The following KCNQ5 variants were observed in gnomAD, a reference collection of about 807,000 sequenced individuals.
KCNQ5 encodes the protein potassium voltage-gated channel subfamily Q member 5.
A neutral mutation model predicts 98.2 loss-of-function variants in KCNQ5; 30 were observed. That is an observed-to-expected ratio of 0.31 (90% CI 0.23 to 0.41). KCNQ5 has a LOEUF of 0.41. KCNQ5 is among the 10% of genes least tolerant of loss of function. The pLI, the probability that KCNQ5 is intolerant of heterozygous loss-of-function variation, is 1.00. For synonymous variants in KCNQ5, 458 were observed against 449.4 expected (o/e 1.02, Z -0.24); for missense variants, 835 against 1,182.5 (o/e 0.71, Z 4.31).
In KCNQ5 at chr6:73,011,275, T is replaced by A. The variant is rs147205442; in HGVS notation, c.489+7277T>A. Reference sequence around the variant, plus strand: ...AATGATTAAGCTGTAAATTTTATGTTATATATAGGCATAAAGACCAACATT... The same window carrying A: ...AATGATTAAGCTGTAAATTTTATGTAATATATAGGCATAAAGACCAACATT... On this transcript the variant is annotated intron_variant, in intron 2 of 13. Coordinates refer to ENST00000370398, the MANE Select transcript of KCNQ5 (RefSeq NM_019842.4). 1.2e-3 allele frequency among the ~76,000 whole-genome samples: 187 copies of A among 152,204 alleles called. 1 individual carries two copies. The highest frequency in any genetic ancestry group is 4.4e-3 in the African/African-American group (184 of 41,552).
intron 1 of KCNQ5, among the ~76,000 whole-genome samples, chr6:72,886,401 A>C (rs1445625603): frequency 1.3e-5 from 2 of 152,210 alleles, no homozygotes; most frequent in Non-Finnish European, 2.9e-5. Flanking sequence ...AGACATGAAG[A>C]AATTACCCAG....
chr6:73,118,929 G>A (rs149182315), intron 7 of KCNQ5, among the ~76,000 whole-genome samples: 5,974 of 152,282 alleles, frequency 0.039, 350 homozygotes, highest in Admixed American at 0.13. Context: ...GCTGAGGCAC[G>A]AGCATCGCTT....
At chr6:72,668,923 C>CCTGTT (rs2154473249) in intron 1 of KCNQ5, among the ~76,000 whole-genome samples, 1 of 151,864 alleles carries the variant, frequency 6.6e-6, no homozygotes, top group East Asian at 2.0e-4. Context: ...CCTTAATTAC[C>CCTGTT]TTCATACAGG....
chr6:73,016,150 T>C (rs542154810), intron 2 of KCNQ5, among the ~76,000 whole-genome samples: 1 of 152,070 alleles, frequency 6.6e-6, no homozygotes, highest in Admixed American at 6.6e-5. Flanking sequence ...AAGGAATAGG[T>C]AATGAAGGAA....
intron 1 of KCNQ5, among the ~76,000 whole-genome samples, chr6:72,962,090 A>T (rs1767383314): frequency 6.6e-6 from 1 of 151,292 alleles, no homozygotes; most frequent in Admixed American, 6.6e-5. Context: ...AGGCAGGAGG[A>T]TCGCTTGAGC....
chr6:73,037,219 G>C (rs1771472800), intron 2 of KCNQ5, among the ~76,000 whole-genome samples: 1 of 151,950 alleles, frequency 6.6e-6, no homozygotes, highest in African/African-American at 2.4e-5. Context: ...TGAGTTTTTG[G>C]TTTTTTACTG....
At chr6:72,718,445 CTTTTT>C (rs1032425332) in intron 1 of KCNQ5, among the ~76,000 whole-genome samples, 3 of 71,450 alleles carry the variant, frequency 4.2e-5, no homozygotes, top group African/African-American at 1.2e-4. Flanking sequence ...CCTTTCTGCT[CTTTTT>C]TTTTTTTTTT....
chr6:73,146,714 A>G (rs1291950044), intron 10 of KCNQ5, among the ~76,000 whole-genome samples: 1 of 149,366 alleles, frequency 6.7e-6, no homozygotes, highest in Non-Finnish European at 1.5e-5. Context: ...AGGCTATCTG[A>G]GATGATGTCA....
At chr6:73,184,490 C>T (rs1052286074) in intron 11 of KCNQ5, among the ~76,000 whole-genome samples, 3 of 152,208 alleles carry the variant, frequency 2.0e-5, no homozygotes, top group South Asian at 2.1e-4. Context: ...TGTCACAGAA[C>T]ACAAACATCT....
intron 1 of KCNQ5, among the ~76,000 whole-genome samples, chr6:72,670,087 C>T (rs1767025288): frequency 6.6e-6 from 1 of 152,108 alleles, no homozygotes; most frequent in South Asian, 2.1e-4. Context: ...AGTTTTATTG[C>T]TCACAATTCC....
Position 73,077,887 on chromosome 6 carries a change from A to G in KCNQ5, c.918A>G (p.Thr306=). ...ATGCAGATGCTCTCTGGTGGGGCAC[A>G]GTAAGTATAAAAATACATTTTTTAT... ...STYADALWWG[T]ITLTTIGYGD... The change falls in exon 5 of 14, where the codon ACA becomes ACG. Residue 306 remains threonine, a splice_region_variant and synonymous_variant. Coordinates refer to ENST00000370398, the MANE Select transcript of KCNQ5 (RefSeq NM_019842.4). 1.3e-6 allele frequency: 2 copies of G among 1,589,480 alleles called. No homozygotes were observed. Among genetic ancestry groups the G allele is most frequent in the Non-Finnish European group, 8.5e-7 (1 of 1,171,506 alleles).
chr6:72,914,395 T>A (rs1780052451), intron 1 of KCNQ5, among the ~76,000 whole-genome samples: 2 of 151,518 alleles, frequency 1.3e-5, no homozygotes, highest in Non-Finnish European at 2.9e-5. Context: ...CTGCCAATGT[T>A]TTAATTTATT....
chr6:72,960,766 CAAA>C (rs1182458024), intron 1 of KCNQ5, among the ~76,000 whole-genome samples: 1 of 151,968 alleles, frequency 6.6e-6, no homozygotes, highest in Non-Finnish European at 1.5e-5. Flanking sequence ...TCTAATGAAA[CAAA>C]AAAAGACTCT....
chr6:73,049,392 T>G (rs1016386988), intron 3 of KCNQ5, among the ~76,000 whole-genome samples: 28 of 152,218 alleles, frequency 1.8e-4, no homozygotes, highest in African/African-American at 6.5e-4. Flanking sequence ...AGCAGCACCA[T>G]GTCCCTCTGA....
intron 1 of KCNQ5, among the ~76,000 whole-genome samples, chr6:72,862,910 A>T (rs1452443129): frequency 6.6e-6 from 1 of 152,186 alleles, no homozygotes; most frequent in African/African-American, 2.4e-5. Context: ...TTATAGGTAC[A>T]AACCACTGCA....
intron 3 of KCNQ5, among the ~76,000 whole-genome samples, chr6:73,072,202 C>T (rs1440484124): frequency 7.2e-5 from 11 of 152,064 alleles, no homozygotes; most frequent in Admixed American, 3.9e-4. Context: ...ATTTTAAAAG[C>T]CTGAAGTCTC....
chr6:73,098,669 G>A (rs1176615419), intron 5 of KCNQ5, among the ~76,000 whole-genome samples: 1 of 152,114 alleles, frequency 6.6e-6, no homozygotes, highest in African/African-American at 2.4e-5. Context: ...TAGCCTTCAT[G>A]AAGGAGAAAT....
At chr6:72,986,971 A>C in intron 1 of KCNQ5, 1 of 802,430 alleles carries the variant, frequency 1.2e-6, no homozygotes, top group Non-Finnish European at 2.1e-6. Context: ...CCCAGGGAGC[A>C]CAGTGGGAAG....
chr6:72,626,479 G>C (rs560247453), intron 1 of KCNQ5, among the ~76,000 whole-genome samples: 8 of 152,320 alleles, frequency 5.3e-5, no homozygotes, highest in African/African-American at 1.9e-4. Flanking sequence ...TCACCAATCT[G>C]TTGGATAGAT....
Sources: allele counts gnomAD v4.1 joint callset (sites outside exome capture counted in the v4.1 genomes callset), GRCh38; gene constraint gnomAD v4.1.1; transcripts MANE v1.5; gene names NCBI Gene and HGNC (gene_info 2026-07-23, HGNC 2026-07-21).